HS1BP3: variants seen among roughly 807,000 people sequenced by gnomAD.
The protein encoded by HS1BP3 is HCLS1-binding protein 3.
A neutral mutation model predicts 33.5 loss-of-function variants in HS1BP3; 32 were observed. The observed-to-expected ratio is 0.95, with a 90% CI of 0.72 to 1.28. HS1BP3 has a LOEUF of 1.28. Among genes scored for constraint, HS1BP3 ranks in the 50% most tolerant of loss-of-function variants. The probability of loss-of-function intolerance (pLI) is 0.00; values close to 1 mark genes in which losing one functional copy is unlikely to be tolerated. For missense variants in HS1BP3, 486 were observed against 502.3 expected, an observed-to-expected ratio of 0.97 and a Z score of 0.31; for synonymous variants, 187 against 209.2, an observed-to-expected ratio of 0.89 and a Z score of 0.92.
chr2:20,554,417 C>G, the HS1BP3 span, among the ~76,000 whole-genome samples: 1 of 152,176 alleles, frequency 6.6e-6, no homozygotes, highest in Non-Finnish European at 1.5e-5. Flanking sequence ...AACAAACACG[C>G]ACAAAGCTTA....
chr2:20,628,363 G>A (rs1356604221), intron 4 of HS1BP3, among the ~76,000 whole-genome samples: 2 of 152,148 alleles, frequency 1.3e-5, no homozygotes, highest in Admixed American at 1.3e-4. Flanking sequence ...GCTGAGGTGG[G>A]TGAATTTAAG....
At chr2:20,585,289 C>T (rs1322729221) in intron 5 of HS1BP3, among the ~76,000 whole-genome samples, 2 of 152,074 alleles carry the variant, frequency 1.3e-5, no homozygotes, top group Non-Finnish European at 2.9e-5. Flanking sequence ...CTAGGCTGAG[C>T]CCTTTACATA....
chr2:20,645,793 C>G (rs1024468679), intron 1 of HS1BP3, among the ~76,000 whole-genome samples: 1 of 152,214 alleles, frequency 6.6e-6, no homozygotes, highest in Non-Finnish European at 1.5e-5. Context: ...TGAAAGGGAT[C>G]GACACAAACT....
chr2:20,604,578 C>T (rs1694134837), intron 2 of HS1BP3, among the ~76,000 whole-genome samples: 3 of 152,196 alleles, frequency 2.0e-5, no homozygotes, highest in Admixed American at 1.3e-4. Context: ...GTGAGCACCT[C>T]CCTGAATTGC....
chr2:20,587,566 A>G (rs935628530), intron 5 of HS1BP3, among the ~76,000 whole-genome samples: 1 of 152,194 alleles, frequency 6.6e-6, no homozygotes, highest in African/African-American at 2.4e-5. Context: ...GACAGTGGCC[A>G]TGGTCCCATG....
chr2:20,600,758 G>A (rs1313256656), intron 2 of HS1BP3, among the ~76,000 whole-genome samples: 4 of 152,184 alleles, frequency 2.6e-5, no homozygotes, highest in African/African-American at 9.7e-5. Flanking sequence ...TAAAATGTGA[G>A]TGGTTATCTT....
rs184034144 is a variant in HS1BP3 at position 20,579,268 on chromosome 2, G to A, written c.303-18753C>T. 8.1e-4 allele frequency among the ~76,000 whole-genome samples: 123 copies of A among 152,330 alleles called. 1 individual carries two copies. Among genetic ancestry groups the A allele is most frequent in the Non-Finnish European group, 1.4e-3 (96 of 68,034 alleles). ...CCATCCGAGCTGGCTGAGGGTTGGC[G>A]GCAGCTGCCCAGCATCTATAGGGTG... On this transcript the variant is annotated intron_variant, in intron 5 of 5. Coordinates refer to the HS1BP3 transcript ENST00000446825.
intron 5 of HS1BP3, among the ~76,000 whole-genome samples, chr2:20,575,186 T>G (rs1693370257): frequency 6.6e-6 from 1 of 152,144 alleles, no homozygotes; most frequent in African/African-American, 2.4e-5. Flanking sequence ...GGCTCTGGAG[T>G]TTTGTCCTGT....
intron 2 of HS1BP3, among the ~76,000 whole-genome samples, chr2:20,602,072 C>T (rs1694083070): frequency 6.6e-6 from 1 of 151,058 alleles, no homozygotes; most frequent in African/African-American, 2.4e-5. Flanking sequence ...TTTGGAAATA[C>T]AAAGGAAAGG....
downstream of HS1BP3, among the ~76,000 whole-genome samples, chr2:20,613,056 G>C (rs572056244): frequency 6.6e-5 from 10 of 152,150 alleles, no homozygotes; most frequent in African/African-American, 1.4e-4. Flanking sequence ...GGATGGGGGG[G>C]ACTGAGTCAA....
downstream of HS1BP3, among the ~76,000 whole-genome samples, chr2:20,615,594 A>T (rs1441082853): frequency 6.6e-6 from 1 of 152,182 alleles, no homozygotes; most frequent in African/African-American, 2.4e-5. Flanking sequence ...AGGCAGGACC[A>T]CTATGTGGGG....
At chr2:20,639,925 C>A (rs966385090) in intron 3 of HS1BP3, 1 of 152,280 alleles carries the variant, frequency 6.6e-6, no homozygotes, top group Non-Finnish European at 1.5e-5. Context: ...AGAAGAGAAC[C>A]CAGACCCATG....
chr2:20,643,326 G>A (rs973720218), intron 2 of HS1BP3, among the ~76,000 whole-genome samples: 3 of 152,160 alleles, frequency 2.0e-5, no homozygotes, highest in South Asian at 2.1e-4. Flanking sequence ...TGGGCTGGGC[G>A]GCTGAAGCCC....
At chr2:20,620,608 C>T (rs1004400035) in intron 6 of HS1BP3, among the ~76,000 whole-genome samples, 1 of 152,206 alleles carries the variant, frequency 6.6e-6, no homozygotes, top group African/African-American at 2.4e-5. Flanking sequence ...AACTGGCTTC[C>T]GTTCCTCACC....
At chr2:20,640,885 C>T in intron 3 of HS1BP3, 88 bp downstream of exon 3, 1 of 1,307,694 alleles carries the variant, frequency 7.6e-7, no homozygotes, top group Non-Finnish European at 1.1e-6. Context: ...GCAGAGGCAG[C>T]TGTGGACATG....
intron 6 of HS1BP3, among the ~76,000 whole-genome samples, chr2:20,621,483 C>T (rs980766329): frequency 2.6e-5 from 4 of 152,222 alleles, no homozygotes; most frequent in Non-Finnish European, 2.9e-5. Context: ...AGGTGTCACT[C>T]ATGGCCAGTC....
At chr2:20,643,432 G>A (rs566573131) in intron 2 of HS1BP3, among the ~76,000 whole-genome samples, 23 of 152,294 alleles carry the variant, frequency 1.5e-4, no homozygotes, top group Non-Finnish European at 3.1e-4. Context: ...GGTGCATTGA[G>A]CTCCAACCTG....
intron 1 of HS1BP3, among the ~76,000 whole-genome samples, chr2:20,647,073 G>C (rs1162601541): frequency 6.6e-6 from 1 of 151,978 alleles, no homozygotes; most frequent in Non-Finnish European, 1.5e-5. Flanking sequence ...ACAGGGGGGT[G>C]AAAGTGACAA....
At position 20,610,406 on chromosome 2, in the gene HS1BP3, T is replaced by C. The variant is rs1212162743; in HGVS notation, c.179-12141A>G. ...CCCCTTGAACCCCAGAAACCACTGA[T>C]CTTTTTATGGTCTCTGTGGTTTTGC... is the stretch of plus-strand genomic sequence containing the variant. On this transcript the variant is annotated intron_variant, in intron 2 of 3. Coordinates refer to the HS1BP3 transcript ENST00000415264. Among the ~76,000 whole-genome samples the C allele has an allele frequency of 1.3e-5, 2 of 152,208 alleles. 1 individual carries two copies. Among genetic ancestry groups the C allele is most frequent in the Admixed American group, 1.3e-4 (2 of 15,286 alleles).
Sources: allele counts gnomAD v4.1 joint callset (sites outside exome capture counted in the v4.1 genomes callset), GRCh38; gene constraint gnomAD v4.1.1; transcripts MANE v1.5; gene names NCBI Gene and HGNC (gene_info 2026-07-23, HGNC 2026-07-21).